Variants in FGF13 observed in about 807,000 individuals in gnomAD.
FGF13 encodes the protein fibroblast growth factor homologous factor 2.
In FGF13, 2 loss-of-function variants were observed where a neutral mutation model predicts 19.5. That is an observed-to-expected ratio of 0.10 (90% CI 0.04 to 0.32). The LOEUF (loss-of-function observed/expected upper bound fraction) is 0.32, where lower values mean the gene tolerates loss of function less well. Among genes scored for constraint, FGF13 ranks in the 10% least tolerant of loss-of-function variants. FGF13 has a pLI of 1.00. For synonymous variants in FGF13, 72 were observed against 76.9 expected, an observed-to-expected ratio of 0.94 and a Z score of 0.33; for missense variants, 113 against 192.7, an observed-to-expected ratio of 0.59 and a Z score of 2.45.
At chrX:138,690,669 C>A (rs1211726785) in intron 3 of FGF13, among the ~76,000 whole-genome samples, 2 of 111,285 alleles carry the variant, frequency 1.8e-5, no homozygotes, top group Non-Finnish European at 3.8e-5. Flanking sequence ...CTGCTAAAGT[C>A]TGTGGTGCCA....
At chrX:138,940,070 C>A (rs1311657312) in intron 1 of FGF13, among the ~76,000 whole-genome samples, 1 of 111,677 alleles carries the variant, frequency 9.0e-6, no homozygotes, top group African/African-American at 3.3e-5. Flanking sequence ...TCTGCAACCT[C>A]ACCAGGATCT....
chrX:138,753,290 C>T (rs2090409973), intron 3 of FGF13, among the ~76,000 whole-genome samples: 1 of 112,069 alleles, frequency 8.9e-6, no homozygotes, highest in South Asian at 3.7e-4. Context: ...TTCTTAGCTA[C>T]CTACAGCAGA....
At chrX:138,818,980 C>G (rs2090981010) in intron 3 of FGF13, among the ~76,000 whole-genome samples, 1 of 111,478 alleles carries the variant, frequency 9.0e-6, no homozygotes. Flanking sequence ...AGCCTCTTAA[C>G]AGGTGACTTC....
chrX:139,146,497 T>C (rs2083890255), intron 1 of FGF13, among the ~76,000 whole-genome samples: 1 of 111,838 alleles, frequency 8.9e-6, no homozygotes, highest in African/African-American at 3.3e-5. Flanking sequence ...TGTGGAGAAA[T>C]AGGAACACTT....
At position 138,707,217 on chromosome X, in the gene FGF13, G is replaced by A. The variant is rs1280321272; in HGVS notation, c.298+1601C>T. Among the ~76,000 whole-genome samples, 6 of 111,503 alleles carry A rather than the reference G, an allele frequency of 5.4e-5. No individual in the cohort carries two copies. In the East Asian group the frequency reaches 1.1e-3, roughly 21 times the overall value. ...AAATGATTACTTAGAATGTGATCTC[G>A]ATGAATTTGGTATATTGCTGTTCAT... On this transcript the variant is annotated intron_variant, in intron 2 of 4. Coordinates refer to ENST00000315930, the MANE Select transcript of FGF13 (RefSeq NM_004114.5).
At chrX:138,817,657 G>T (rs2090970232) in intron 3 of FGF13, among the ~76,000 whole-genome samples, 1 of 111,677 alleles carries the variant, frequency 9.0e-6, no homozygotes. Flanking sequence ...CCCACTCAAA[G>T]ACAGCACAAT....
chrX:139,063,347 A>G (rs1310359018), intron 1 of FGF13, among the ~76,000 whole-genome samples: 2 of 111,689 alleles, frequency 1.8e-5, no homozygotes, highest in Non-Finnish European at 3.8e-5. Context: ...AAAACATACC[A>G]TCTGTGAAAA....
At chrX:138,943,138 G>A (rs2091766807) in intron 1 of FGF13, among the ~76,000 whole-genome samples, 1 of 112,131 alleles carries the variant, frequency 8.9e-6, no homozygotes, top group South Asian at 3.7e-4. Flanking sequence ...GAAGGGGACT[G>A]TTGATCAGGG....
chrX:138,771,851 G>A (rs2090547171), intron 3 of FGF13, among the ~76,000 whole-genome samples: 1 of 109,329 alleles, frequency 9.1e-6, no homozygotes, highest in South Asian at 4.0e-4. Flanking sequence ...GTGAAAAAGA[G>A]TGCCTTCATT....
intron 3 of FGF13, among the ~76,000 whole-genome samples, chrX:138,818,695 G>A (rs896838867): frequency 9.0e-6 from 1 of 110,798 alleles, no homozygotes; most frequent in African/African-American, 3.3e-5. Flanking sequence ...GGTATGTGCT[G>A]GCATCTCTGG....
intron 1 of FGF13, chrX:138,990,373 C>T (rs2092010380): frequency 9.1e-6 from 1 of 110,357 alleles, no homozygotes; most frequent in Admixed American, 9.7e-5. Context: ...GATGGAGAAA[C>T]ACAGGCTTTA....
chrX:138,629,325 T>C lies in FGF13; in HGVS notation c.*3525A>G, dbSNP rs1334044341. On this transcript the variant is annotated 3_prime_UTR_variant, in exon 5 of 5. Transcript: ENST00000315930. ...GACTTTTCAGAAATTAATTTGCTAA[T>C]GCACGCTAATCCTGAAGAAAGGAAT... 1 of 112,339 alleles carries C rather than the reference T, an allele frequency of 8.9e-6. No homozygotes were observed. The highest frequency in any genetic ancestry group is 1.9e-5 in the Non-Finnish European group (1 of 53,297). The allele number at this position is 112,339 out of a possible 1,213,427, so 9.3% of individuals were successfully genotyped here.
At chrX:138,879,574 AGGTATACACGT>A (rs2091411025) in intron 1 of FGF13, among the ~76,000 whole-genome samples, 1 of 111,516 alleles carries the variant, frequency 9.0e-6, no homozygotes, top group African/African-American at 3.3e-5. Context: ...TTTGTTACAT[AGGTATACACGT>A]GCCATGGTGG....
chrX:138,952,908 C>A (rs1192152846), intron 1 of FGF13, among the ~76,000 whole-genome samples: 1 of 110,118 alleles, frequency 9.1e-6, no homozygotes, highest in African/African-American at 3.3e-5. Context: ...GAATGGTGAT[C>A]ATTAAAAAGT....
At chrX:139,019,396 A>T (rs1259713712) in intron 1 of FGF13, among the ~76,000 whole-genome samples, 2 of 111,408 alleles carry the variant, frequency 1.8e-5, no homozygotes, top group East Asian at 5.7e-4. Flanking sequence ...AAATATGGGA[A>T]AAAAGGAGGG....
At chrX:138,765,735 T>C (rs1048785072) in intron 3 of FGF13, among the ~76,000 whole-genome samples, 5 of 111,688 alleles carry the variant, frequency 4.5e-5, no homozygotes, top group African/African-American at 1.6e-4. Context: ...CTCCGAGCCC[T>C]TTGAGGTCTC....
rs182240942 is a variant in FGF13, at chrX:138,639,766, G to A, written c.403-4111C>T. On this transcript the variant is annotated intron_variant, in intron 3 of 4. Transcript: ENST00000315930. ...AGCACTTTGGGAGGCTGAGGCAGGCGGATCCTGAGGTCAGGAGATCAAGAG... is the reference window on the plus strand; with the variant it reads ...AGCACTTTGGGAGGCTGAGGCAGGCAGATCCTGAGGTCAGGAGATCAAGAG... Among the ~76,000 whole-genome samples, 657 of 110,521 alleles carry A rather than the reference G, an allele frequency of 5.9e-3. 5 individuals are homozygous for A. In the Middle Eastern group the frequency reaches 0.069, roughly 12 times the overall value.
upstream of FGF13, among the ~76,000 whole-genome samples, chrX:139,203,861 G>A (rs974805805): frequency 1.3e-4 from 14 of 111,787 alleles, no homozygotes; most frequent in Non-Finnish European, 2.1e-4. Context: ...ACAATTCCGC[G>A]AGGAAGGAGG....
At chrX:139,085,862 G>A (rs1345247543) in intron 1 of FGF13, among the ~76,000 whole-genome samples, 1 of 112,257 alleles carries the variant, frequency 8.9e-6, no homozygotes. Flanking sequence ...CAAAAAATAA[G>A]ATTGGGAAAC....
Sources: allele counts gnomAD v4.1 joint callset (sites outside exome capture counted in the v4.1 genomes callset), GRCh38; gene constraint gnomAD v4.1.1; transcripts MANE v1.5; gene names NCBI Gene and HGNC (gene_info 2026-07-23, HGNC 2026-07-21).